The following STXBP3 variants were observed in gnomAD, a reference collection of about 807,000 sequenced individuals.
The protein encoded by STXBP3 is syntaxin binding protein 3.
Under a neutral mutation model 85.7 loss-of-function variants are expected in STXBP3, and 41 were observed. The ratio of observed to expected loss-of-function variants is 0.48; its 90% CI spans 0.37 to 0.62. The LOEUF (loss-of-function observed/expected upper bound fraction) is 0.62. Ranked by LOEUF, STXBP3 falls within the 20% of genes least tolerant of loss-of-function variation. The pLI, the probability that STXBP3 is intolerant of heterozygous loss-of-function variation, is 0.00. For synonymous variants in STXBP3, 229 were observed against 231.7 expected, an observed-to-expected ratio of 0.99 and a Z score of 0.10; for missense variants, 563 against 703.1, an observed-to-expected ratio of 0.80 and a Z score of 2.25.
chr1:108,779,429 G>T lies in STXBP3; in HGVS notation c.809+19G>T. The T allele has an allele frequency of 6.2e-7, 1 of 1,602,510 alleles. No individual in the cohort carries two copies. The highest frequency in any genetic ancestry group is 1.1e-5 in the South Asian group (1 of 88,426). On this transcript the variant is annotated intron_variant, in intron 9 of 18. Coordinates refer to ENST00000370008, the MANE Select transcript of STXBP3 (RefSeq NM_007269.4). ...CATACAAGCAAGTATAACTTGAAGGGCATATAAAGGGCATATACAAACAGG... is the reference window on the plus strand; with the variant it reads ...CATACAAGCAAGTATAACTTGAAGGTCATATAAAGGGCATATACAAACAGG...
chr1:108,755,348 G>T (rs1040447716), intron 3 of STXBP3, among the ~76,000 whole-genome samples: 3 of 152,130 alleles, frequency 2.0e-5, no homozygotes, highest in African/African-American at 7.2e-5. Context: ...TTGGAGAACT[G>T]AGGCAGGAGG....
chr1:108,766,247 C>T (rs1223748020), intron 6 of STXBP3, among the ~76,000 whole-genome samples: 1 of 151,016 alleles, frequency 6.6e-6, no homozygotes, highest in African/African-American at 2.4e-5. Flanking sequence ...AAAGGTCATG[C>T]AAGAAAATCA....
At chr1:108,791,804 AC>A (rs1662981014) in intron 11 of STXBP3, among the ~76,000 whole-genome samples, 1 of 152,062 alleles carries the variant, frequency 6.6e-6, no homozygotes, top group Non-Finnish European at 1.5e-5. Context: ...TTTGCAGATA[AC>A]CCCTTAACTC....
At chr1:108,784,000 T>TACTA (rs34256663) in intron 11 of STXBP3, among the ~76,000 whole-genome samples, 258 of 151,576 alleles carry the variant, frequency 1.7e-3, no homozygotes, top group African/African-American at 6.0e-3. Context: ...CTGTTTTTCT[T>TACTA]ATTTCTAGAA....
chr1:108,763,132 G>A (rs746112423), intron 6 of STXBP3, among the ~76,000 whole-genome samples: 2 of 152,180 alleles, frequency 1.3e-5, no homozygotes, highest in Non-Finnish European at 2.9e-5. Flanking sequence ...AAAGAAATAG[G>A]TTTACAGATA....
intron 18 of STXBP3, among the ~76,000 whole-genome samples, chr1:108,808,290 T>G (rs897976706): frequency 6.6e-6 from 1 of 151,998 alleles, no homozygotes; most frequent in Non-Finnish European, 1.5e-5. Flanking sequence ...AGCAGAAGGG[T>G]CACTTGAGGC....
intron 6 of STXBP3, among the ~76,000 whole-genome samples, chr1:108,765,119 C>T (rs1046366178): frequency 6.6e-6 from 1 of 152,160 alleles, no homozygotes; most frequent in Non-Finnish European, 1.5e-5. Context: ...ATCCCAGCAC[C>T]ATTTATTGAT....
chr1:108,765,727 C>T (rs1407501657), intron 6 of STXBP3, among the ~76,000 whole-genome samples: 2 of 151,498 alleles, frequency 1.3e-5, no homozygotes, highest in East Asian at 1.9e-4. Context: ...CGTACCCCCA[C>T]GCGGGGCTAA....
chr1:108,796,176 T>C, intron 13 of STXBP3, 58 bp from the exon 14 acceptor site: 1 of 1,575,582 alleles, frequency 6.3e-7, no homozygotes, highest in East Asian at 2.3e-5. Flanking sequence ...AATAGATGTT[T>C]TTAACTAAAA....
At chr1:108,757,783 T>C (rs939713209) in intron 4 of STXBP3, among the ~76,000 whole-genome samples, 4 of 152,068 alleles carry the variant, frequency 2.6e-5, no homozygotes. Flanking sequence ...AATAAATAAA[T>C]GGTTTAGCTA....
chr1:108,760,416 T>G (rs1465727608), intron 6 of STXBP3, among the ~76,000 whole-genome samples: 5 of 152,140 alleles, frequency 3.3e-5, no homozygotes, highest in Non-Finnish European at 7.4e-5. Context: ...TAACCTTTTG[T>G]GATATTAAAA....
At position 108,793,168 on chromosome 1, in the gene STXBP3, T is replaced by C. The variant is rs919347484; in HGVS notation, c.964-414T>C. Among the ~76,000 whole-genome samples the C allele has an allele frequency of 1.4e-5, 2 of 144,516 alleles. 1 individual carries two copies. The highest frequency in any genetic ancestry group is 5.1e-5 in the African/African-American group (2 of 39,032). 94.8% of individuals were successfully genotyped at this position (144,516 alleles called of 152,430 possible). A position where few individuals can be genotyped will look rare whatever the true frequency, so the allele number is the denominator to read the frequency against. On this transcript the variant is annotated intron_variant, in intron 11 of 18. Coordinates refer to ENST00000370008, the MANE Select transcript of STXBP3 (RefSeq NM_007269.4). ...AAGCTCTTATCTCCATTTTTTTTTT[T>C]TTTTTTTTTTTTTTTGCACCCAGGG...
chr1:108,788,818 T>C (rs541979071), intron 11 of STXBP3, among the ~76,000 whole-genome samples: 42 of 152,232 alleles, frequency 2.8e-4, no homozygotes, highest in African/African-American at 9.9e-4. Flanking sequence ...TCCCAGCACT[T>C]GGGGAGGCCA....
chr1:108,783,495 AT>A (rs1389134978), intron 11 of STXBP3, among the ~76,000 whole-genome samples: 3 of 152,150 alleles, frequency 2.0e-5, no homozygotes, highest in East Asian at 3.9e-4. Context: ...TTAGTAATTC[AT>A]TTTTTTCATT....
intron 3 of STXBP3, 81 bp from the exon 4 acceptor site, chr1:108,756,609 G>A (rs1422353930): frequency 1.4e-6 from 1 of 694,774 alleles, no homozygotes; most frequent in African/African-American, 1.9e-5. Context: ...ATTATAAATG[G>A]AAAGTACAGT....
At chr1:108,802,312 G>A (rs1020936179) in intron 17 of STXBP3, among the ~76,000 whole-genome samples, 2 of 152,114 alleles carry the variant, frequency 1.3e-5, no homozygotes, top group Admixed American at 6.5e-5. Flanking sequence ...CAGGAGAATC[G>A]CTTGAACCTG....
At chr1:108,783,296 T>A (rs976766871) in intron 11 of STXBP3, among the ~76,000 whole-genome samples, 13 of 152,204 alleles carry the variant, frequency 8.5e-5, no homozygotes, top group Non-Finnish European at 1.2e-4. Context: ...GGATAACTTT[T>A]ACTTATATAT....
intron 11 of STXBP3, among the ~76,000 whole-genome samples, chr1:108,789,327 A>ATT (rs755839015): frequency 6.7e-6 from 1 of 149,792 alleles, no homozygotes; most frequent in South Asian, 2.1e-4. Context: ...TGTTTTTGTG[A>ATT]TTTTTTTTTT....
chr1:108,789,991 CAA>C (rs35345273), intron 11 of STXBP3, among the ~76,000 whole-genome samples: 6 of 121,242 alleles, frequency 4.9e-5, no homozygotes, highest in Admixed American at 9.1e-5. Flanking sequence ...GACTCTGTCT[CAA>C]AAAAAAAAAA....
Sources: allele counts gnomAD v4.1 joint callset (sites outside exome capture counted in the v4.1 genomes callset), GRCh38; gene constraint gnomAD v4.1.1; transcripts MANE v1.5; gene names NCBI Gene and HGNC (gene_info 2026-07-23, HGNC 2026-07-21).